HIP1: variants seen among roughly 807,000 people sequenced by gnomAD.
The protein encoded by HIP1 is huntingtin-interacting protein 1.
Under a neutral mutation model 147.6 loss-of-function variants are expected in HIP1, and 65 were observed. That is an observed-to-expected ratio of 0.44 (90% CI 0.36 to 0.54). HIP1 has a LOEUF of 0.54. Among genes scored for constraint, HIP1 ranks in the 20% least tolerant of loss-of-function variants. The pLI is 0.00. For synonymous variants in HIP1, 479 were observed against 504.0 expected, an observed-to-expected ratio of 0.95 and a Z score of 0.67; for missense variants, 1,061 against 1,299.6, an observed-to-expected ratio of 0.82 and a Z score of 2.82.
At chr7:75,605,054 A>C (rs1797170514) in intron 1 of HIP1, among the ~76,000 whole-genome samples, 1 of 152,116 alleles carries the variant, frequency 6.6e-6, no homozygotes, top group Non-Finnish European at 1.5e-5. Flanking sequence ...AGACTTCTTA[A>C]AGGGAAAGGA....
rs1168195086 is a variant in HIP1 at position 75,554,303 on chromosome 7, C to T, written c.2051-83G>A. The T allele has an allele frequency of 9.1e-6, 12 of 1,323,524 alleles. No homozygotes were observed. The Admixed American group carries it at 1.8e-4, about 20-fold the overall frequency. The allele number at this position is 1,323,524 out of a possible 1,614,324, so 82.0% of individuals were successfully genotyped here. On this transcript the variant is annotated intron_variant, in intron 20 of 30. Transcript: ENST00000336926. ...CCTCTCCTCCCGTTTTATGAGTTGC[C>T]TACATGCCTTTCTTGTATGAGTTGC...
Position 75,556,695 on chromosome 7 carries a change from A to C in HIP1, c.1683+15T>G, listed in dbSNP as rs1563200435. ...AAGAAGACTCTATCTCCAAAAAAAAAAAGGAGGTATTTACCTGGGCAGAAG... is the reference window on the plus strand; with the variant it reads ...AAGAAGACTCTATCTCCAAAAAAAACAAGGAGGTATTTACCTGGGCAGAAG... On this transcript the variant is annotated intron_variant, in intron 17 of 30. Transcript: ENST00000336926. 1 of 1,537,572 alleles carries C rather than the reference A, an allele frequency of 6.5e-7. No homozygotes were observed. The highest frequency in any genetic ancestry group is 9.0e-7 in the Non-Finnish European group (1 of 1,114,174).
rs781988902 is a variant in HIP1, at chr7:75,539,340, G to A, written c.3044C>T (p.Ala1015Val). ...RKKHYELAGVAEGWEEGTEAS... is the reference protein window; with the variant it reads ...RKKHYELAGVVEGWEEGTEAS... Reference sequence around the variant, plus strand: ...CAGCTTACCTTCTTCCCAGCCCTCAGCAACACCAGCAAGCTCGTAGTGCTT... The same window carrying A: ...CAGCTTACCTTCTTCCCAGCCCTCAACAACACCAGCAAGCTCGTAGTGCTT... The change falls in exon 30 of 31, where the codon GCT becomes GTT. Residue 1015 changes from alanine (A) to valine (V), a missense_variant. Ala to Val is a moderately conservative substitution (Grantham distance 64). Transcript: ENST00000336926. The A allele has an allele frequency of 1.9e-6, 3 of 1,613,906 alleles. No homozygotes were observed. The highest frequency in any genetic ancestry group is 2.5e-6 in the Non-Finnish European group (3 of 1,179,796).
chr7:75,658,553 G>T (rs1375442824), intron 1 of HIP1, among the ~76,000 whole-genome samples: 1 of 152,056 alleles, frequency 6.6e-6, no homozygotes, highest in Non-Finnish European at 1.5e-5. Flanking sequence ...CACAGAGGTC[G>T]CTGGGTTTGG....
intron 1 of HIP1, among the ~76,000 whole-genome samples, chr7:75,716,830 G>GA (rs201699622): frequency 2.0e-5 from 3 of 150,410 alleles, no homozygotes; most frequent in African/African-American, 4.9e-5. Context: ...TTTTTTAGGG[G>GA]GGGGGAAAGG....
intron 1 of HIP1, among the ~76,000 whole-genome samples, chr7:75,706,623 A>ATTT (rs71082342): frequency 1.3e-3 from 133 of 103,564 alleles, no homozygotes; most frequent in East Asian, 3.2e-3. Flanking sequence ...TCAACTCGTC[A>ATTT]TTTTTTTTTT....
At chr7:75,624,930 TG>T (rs1797983133) in intron 1 of HIP1, among the ~76,000 whole-genome samples, 1 of 145,454 alleles carries the variant, frequency 6.9e-6, no homozygotes, top group African/African-American at 2.8e-5. Context: ...GGTGTATTTT[TG>T]TTTAATTTTT....
chr7:75,599,897 C>T (rs893075032), intron 1 of HIP1, among the ~76,000 whole-genome samples: 22 of 148,994 alleles, frequency 1.5e-4, no homozygotes, highest in African/African-American at 4.5e-4. Context: ...GTGCAGTGGC[C>T]CGATCTTGGC....
intron 1 of HIP1, among the ~76,000 whole-genome samples, chr7:75,614,754 TA>T (rs1191676965): frequency 1.3e-5 from 2 of 149,838 alleles, no homozygotes. Flanking sequence ...AAAAAAAAGA[TA>T]AAAAACACTG....
At chr7:75,719,314 C>T (rs1487135884) in intron 1 of HIP1, among the ~76,000 whole-genome samples, 1 of 151,924 alleles carries the variant, frequency 6.6e-6, no homozygotes, top group Non-Finnish European at 1.5e-5. Context: ...ACCATCCTGG[C>T]CAACACGGTG....
intron 1 of HIP1, among the ~76,000 whole-genome samples, chr7:75,713,174 C>T (rs1359309392): frequency 2.0e-5 from 3 of 152,176 alleles, no homozygotes; most frequent in Admixed American, 6.6e-5. Context: ...CGGCAGTGGG[C>T]GCTTCCACTG....
chr7:75,559,721 C>CCCCCCCCCCCCCCCCT lies in HIP1; in HGVS notation c.1375+10_1375+11insAGGGGGGGGGGGGGGG. 6.7e-7 allele frequency: 1 copy of CCCCCCCCCCCCCCCCT among 1,489,900 alleles called. No individual in the cohort carries two copies. The highest frequency in any genetic ancestry group is 8.9e-7 in the Non-Finnish European group (1 of 1,118,306). The allele number at this position is 1,489,900 out of a possible 1,614,324, so 92.3% of individuals were successfully genotyped here. ...CCCCGGGGCCCGCCCCCGCCCCCAC[C>CCCCCCCCCCCCCCCCT]CACCGCTCACTTTCTATCTCAGACA... On this transcript the variant is annotated intron_variant, in intron 14 of 30. Coordinates refer to ENST00000336926, the MANE Select transcript of HIP1 (RefSeq NM_005338.7).
In HIP1 at chr7:75,589,412, C is replaced by T. The variant is rs587695112; in HGVS notation, c.385-2579G>A. On this transcript the variant is annotated intron_variant, in intron 4 of 30. Coordinates refer to ENST00000336926, the MANE Select transcript of HIP1 (RefSeq NM_005338.7). ...CCAAAATCTGAAAAGGGGCTGGGCGCGATGGCTGATGCCTGTAATCCCAAC... is the reference window on the plus strand; with the variant it reads ...CCAAAATCTGAAAAGGGGCTGGGCGTGATGGCTGATGCCTGTAATCCCAAC... Among the ~76,000 whole-genome samples the T allele has an allele frequency of 2.6e-5, 4 of 151,864 alleles. No individual in the cohort carries two copies. In the South Asian group the frequency reaches 6.2e-4, roughly 24 times the overall value.
chr7:75,721,327 T>C (rs868943685), intron 1 of HIP1, among the ~76,000 whole-genome samples: 23 of 151,998 alleles, frequency 1.5e-4, no homozygotes, highest in Middle Eastern at 3.4e-3. Context: ...TGAGCCGAGA[T>C]TGCACCACTG....
At chr7:75,598,403 GAAA>G (rs587640388) in intron 2 of HIP1, among the ~76,000 whole-genome samples, 14 of 124,590 alleles carry the variant, frequency 1.1e-4, no homozygotes, top group African/African-American at 3.8e-4. Context: ...TCTCAAAAAA[GAAA>G]AAAAAAAAAA....
rs147745197 is a variant in HIP1 at position 75,730,591 on chromosome 7, G to A, written c.120+8210C>T. 3.8e-4 allele frequency among the ~76,000 whole-genome samples: 57 copies of A among 151,404 alleles called. 4 individuals carry two copies. In the East Asian group the frequency reaches 8.7e-3, roughly 23 times the overall value. ...TGACCTCAGGTGATCCACCCGCCTCGGCCTCCCAAAGTGCTGGGATTACAA... is the reference window on the plus strand; with the variant it reads ...TGACCTCAGGTGATCCACCCGCCTCAGCCTCCCAAAGTGCTGGGATTACAA... On this transcript the variant is annotated intron_variant, in intron 1 of 30. Coordinates refer to ENST00000336926, the MANE Select transcript of HIP1 (RefSeq NM_005338.7).
chr7:75,675,050 G>C (rs1182885172), intron 1 of HIP1, among the ~76,000 whole-genome samples: 3 of 151,898 alleles, frequency 2.0e-5, no homozygotes, highest in Admixed American at 6.6e-5. Flanking sequence ...TTCTTCCACA[G>C]GGACTCCTAT....
chr7:75,635,084 T>G (rs1798378786), intron 1 of HIP1, among the ~76,000 whole-genome samples: 1 of 152,154 alleles, frequency 6.6e-6, no homozygotes, highest in Non-Finnish European at 1.5e-5. Flanking sequence ...TACAGTACTG[T>G]GTACTCTGTG....
At chr7:75,631,038 T>C (rs1043700380) in intron 1 of HIP1, among the ~76,000 whole-genome samples, 1 of 152,130 alleles carries the variant, frequency 6.6e-6, no homozygotes, top group Admixed American at 6.6e-5. Flanking sequence ...ACTGCAGCCT[T>C]GAACTCTTGG....
Sources: allele counts gnomAD v4.1 joint callset (sites outside exome capture counted in the v4.1 genomes callset), GRCh38; gene constraint gnomAD v4.1.1; transcripts MANE v1.5; gene names NCBI Gene and HGNC (gene_info 2026-07-23, HGNC 2026-07-21).